ADGRG2: variants seen among roughly 807,000 people sequenced by gnomAD.
The protein encoded by ADGRG2 is adhesion G protein-coupled receptor G2, also known as G protein-coupled receptor 64.
A neutral mutation model predicts 74.1 loss-of-function variants in ADGRG2; 26 were observed. The observed-to-expected ratio is 0.35, with a 90% CI of 0.26 to 0.49. The LOEUF is 0.49. Ranked by LOEUF, ADGRG2 falls within the 20% of genes least tolerant of loss-of-function variation. The pLI, the probability that ADGRG2 is intolerant of heterozygous loss-of-function variation, is 0.99. For synonymous variants in ADGRG2, 296 were observed against 295.2 expected (o/e 1.00, Z -0.03); for missense variants, 619 against 763.1 (o/e 0.81, Z 2.22).
chrX:19,019,625 G>A lies in ADGRG2; in HGVS notation c.684C>T (p.Ser228=). The part of the protein sequence containing the change: ...CCSVRIPCPS[S]PEELEKLQCD... Reference sequence around the variant, plus strand: ...ACTGAAGCTTTTCCAACTCTTCTGGGGAGGAAGGGCAGGGTATCCTGACAG... The same window carrying A: ...ACTGAAGCTTTTCCAACTCTTCTGGAGAGGAAGGGCAGGGTATCCTGACAG... The change falls in exon 15 of 29, where the codon TCC becomes TCT. Residue 228 remains serine (S), a synonymous_variant. Transcript: ENST00000379869. The A allele has an allele frequency of 1.7e-6, 2 of 1,168,928 alleles. No individual in the cohort carries two copies. Among genetic ancestry groups the A allele is most frequent in the Non-Finnish European group, 2.3e-6 (2 of 857,759 alleles).
chrX:19,009,848 G>C, intron 17 of ADGRG2, 66 bp from the exon 18 acceptor site: 1 of 921,022 alleles, frequency 1.1e-6, no homozygotes, highest in Non-Finnish European at 1.5e-6. Context: ...GTCTCGCTCT[G>C]TTGCCAGGCT....
At chrX:19,066,186 C>T (rs1393252126) in intron 3 of ADGRG2, among the ~76,000 whole-genome samples, 2 of 112,208 alleles carry the variant, frequency 1.8e-5, no homozygotes, top group African/African-American at 6.5e-5. Context: ...TTTTTGACAA[C>T]GTGCCCCAGT....
At chrX:19,108,070 G>A (rs2062343810) in intron 1 of ADGRG2, among the ~76,000 whole-genome samples, 1 of 97,583 alleles carries the variant, frequency 1.0e-5, no homozygotes, top group Non-Finnish European at 2.0e-5. Context: ...CTGCACTCCA[G>A]CACTCCAGCC....
rs748480298 is a variant in ADGRG2, at chrX:19,004,822, A to G, written c.1897T>C (p.Tyr633His). ...ATTGATGAAAGCCCACAACCAATAT[A>G]TGTAATGAACGTCAGAGCCATCATT... Reference protein sequence around the residue: ...AQMMALTFITYIGCGLSSIFL... With the variant: ...AQMMALTFITHIGCGLSSIFL... The change falls in exon 23 of 29, where the codon TAT (tyrosine) becomes CAT (histidine). Residue 633 changes from tyrosine (Y) to histidine (H), a missense_variant. Transcript: ENST00000379869. 4 of 1,203,580 alleles carry G rather than the reference A, an allele frequency of 3.3e-6. No homozygotes were observed. Among genetic ancestry groups the G allele is most frequent in the South Asian group, 3.5e-5 (2 of 56,698 alleles).
intron 1 of ADGRG2, among the ~76,000 whole-genome samples, chrX:19,121,719 C>T (rs957380708): frequency 2.7e-5 from 3 of 110,371 alleles, no homozygotes; most frequent in Non-Finnish European, 3.8e-5. Flanking sequence ...GATTATCGTG[C>T]ACAGTACAGA....
At chrX:19,017,948 C>T (rs943471706) in intron 15 of ADGRG2, among the ~76,000 whole-genome samples, 3 of 110,418 alleles carry the variant, frequency 2.7e-5, no homozygotes, top group African/African-American at 6.6e-5. Context: ...TCATTCCTGT[C>T]CTCCCTGTTT....
chrX:19,019,834 C>T (rs752633232), intron 14 of ADGRG2, among the ~76,000 whole-genome samples, 169 bp from the exon 15 acceptor site: 54 of 112,006 alleles, frequency 4.8e-4, no homozygotes, highest in African/African-American at 1.5e-3. Flanking sequence ...CAATTATATA[C>T]TGTATACATA....
At chrX:19,000,986 C>T (rs374487161) in intron 24 of ADGRG2, among the ~76,000 whole-genome samples, 11 of 111,059 alleles carry the variant, frequency 9.9e-5, no homozygotes, top group African/African-American at 2.9e-4. Flanking sequence ...CCGCCCACCT[C>T]GGCCTCCCAA....
At chrX:19,107,643 T>TTTG (rs2062329283) in intron 1 of ADGRG2, among the ~76,000 whole-genome samples, 1 of 107,822 alleles carries the variant, frequency 9.3e-6, no homozygotes, top group Non-Finnish European at 1.9e-5. Context: ...TTTTGTTTTT[T>TTTG]TTTTTTTTTT....
In ADGRG2 at chrX:19,105,614, GA is replaced by G. The variant is rs769485184; in HGVS notation, c.-47+16827del. Among the ~76,000 whole-genome samples, 4 of 111,058 alleles carry G rather than the reference GA, an allele frequency of 3.6e-5. No individual in the cohort carries two copies. The South Asian group carries it at 1.2e-3, about 32-fold the overall frequency. ...GGCTAGGGGAGGAAAAGCACTAGAA[GA>G]AATACCTAATGTAGGTGATGAGTTG... is the stretch of plus-strand genomic sequence containing the variant. On this transcript the variant is annotated intron_variant, in intron 1 of 28. Coordinates refer to ENST00000379869, the MANE Select transcript of ADGRG2 (RefSeq NM_001079858.3).
intron 11 of ADGRG2, among the ~76,000 whole-genome samples, chrX:19,026,173 T>G (rs2060696905): frequency 8.9e-6 from 1 of 112,373 alleles, no homozygotes; most frequent in South Asian, 3.7e-4. Flanking sequence ...AATCATTAGA[T>G]GTAGCCAGGT....
intron 26 of ADGRG2, among the ~76,000 whole-genome samples, chrX:18,997,366 A>G (rs906955209): frequency 1.8e-5 from 2 of 112,363 alleles, no homozygotes; most frequent in African/African-American, 6.5e-5. Flanking sequence ...TGAGAAGATA[A>G]TCTGGGGAAA....
At chrX:19,035,605 T>C (rs1221294867) in intron 7 of ADGRG2, 1 of 142,497 alleles carries the variant, frequency 7.0e-6, no homozygotes, top group Non-Finnish European at 1.4e-5. Flanking sequence ...AGTCATAGTC[T>C]TAGGAAAGTA....
chrX:19,115,233 A>AT (rs2062490220), intron 1 of ADGRG2, among the ~76,000 whole-genome samples: 1 of 111,311 alleles, frequency 9.0e-6, no homozygotes. Flanking sequence ...AGGCTCATTC[A>AT]TTCGGTCATT....
Position 19,021,013 on chromosome X carries a change from CAT to C in ADGRG2, c.643+89_643+90del, listed in dbSNP as rs2060577510. 28 of 560,129 alleles carry C rather than the reference CAT, an allele frequency of 5.0e-5. No homozygotes were observed. The South Asian group carries it at 6.9e-4, about 14-fold the overall frequency. 46.2% of individuals were successfully genotyped at this position (560,129 alleles called of 1,213,427 possible). ...AAGGAGTCAAAACAGAAAGCTGTAA[CAT>C]ATGTAAATTTATTAATTACATTTTC... On this transcript the variant is annotated intron_variant, in intron 14 of 28. Coordinates refer to ENST00000379869, the MANE Select transcript of ADGRG2 (RefSeq NM_001079858.3).
chrX:19,111,087 G>A (rs1291021421), intron 1 of ADGRG2, among the ~76,000 whole-genome samples: 5 of 111,694 alleles, frequency 4.5e-5, no homozygotes. Context: ...TTGTTGATGG[G>A]TTGGATGTGG....
chrX:19,023,252 T>A (rs757671254), intron 13 of ADGRG2, among the ~76,000 whole-genome samples, 164 bp downstream of exon 13: 1 of 111,834 alleles, frequency 8.9e-6, no homozygotes, highest in South Asian at 3.7e-4. Flanking sequence ...TATGACAGAG[T>A]GATCAGTGTT....
intron 1 of ADGRG2, among the ~76,000 whole-genome samples, chrX:19,086,840 C>T (rs1340815890): frequency 9.0e-6 from 1 of 111,609 alleles, no homozygotes; most frequent in Non-Finnish European, 1.9e-5. Flanking sequence ...TGACCTAGAC[C>T]GACAGGCACA....
At position 19,108,859 on chromosome X, in the gene ADGRG2, A is replaced by G. The variant is rs753930105; in HGVS notation, c.-47+13583T>C. 9.9e-5 allele frequency among the ~76,000 whole-genome samples: 11 copies of G among 111,584 alleles called. No individual in the cohort carries two copies. In the East Asian group the frequency reaches 3.1e-3, roughly 31 times the overall value. On this transcript the variant is annotated intron_variant, in intron 1 of 28. Transcript: ENST00000379869. ...AGTTTGTGAAAATTCATTGAGCTGT[A>G]CATTTGTAATGTGTATAATTTGTAC...
Sources: allele counts gnomAD v4.1 joint callset (sites outside exome capture counted in the v4.1 genomes callset), GRCh38; gene constraint gnomAD v4.1.1; transcripts MANE v1.5; gene names NCBI Gene and HGNC (gene_info 2026-07-23, HGNC 2026-07-21).